Variants in DRD3 observed in about 807,000 individuals in gnomAD.
DRD3 encodes the protein dopamine receptor D3.
DRD3 carries 19 observed loss-of-function variants against 36.3 expected under a neutral mutation model. The ratio of observed to expected loss-of-function variants is 0.52; its 90% CI spans 0.36 to 0.77. DRD3 has a LOEUF of 0.77. DRD3 is among the 30% of genes least tolerant of loss of function. The pLI is 0.00. For missense variants in DRD3, 465 were observed against 505.3 expected, an observed-to-expected ratio of 0.92 and a Z score of 0.77; for synonymous variants, 195 against 203.7, an observed-to-expected ratio of 0.96 and a Z score of 0.36.
upstream of DRD3, among the ~76,000 whole-genome samples, chr3:114,182,994 T>C (rs185733196): frequency 6.6e-6 from 1 of 152,202 alleles, no homozygotes; most frequent in Non-Finnish European, 1.5e-5. Context: ...TTTTCAGCTC[T>C]TTTAGATATA....
At chr3:114,182,172 A>T (rs568097045), upstream of DRD3, among the ~76,000 whole-genome samples, 1 of 152,342 alleles carries the variant, frequency 6.6e-6, no homozygotes, top group African/African-American at 2.4e-5. Flanking sequence ...TGAGTGGTCC[A>T]GTAGTATGGT....
chr3:114,141,695 G>A (rs1422942953), intron 4 of DRD3, among the ~76,000 whole-genome samples: 2 of 152,098 alleles, frequency 1.3e-5, no homozygotes, highest in Non-Finnish European at 2.9e-5. Context: ...CTCTGAAGAG[G>A]AGGTAAAATT....
At chr3:114,148,859 C>T (rs2077592396) in intron 3 of DRD3, among the ~76,000 whole-genome samples, 1 of 152,092 alleles carries the variant, frequency 6.6e-6, no homozygotes, top group Non-Finnish European at 1.5e-5. Context: ...ACTACAGGCG[C>T]CTGCCAACAT....
chr3:114,137,507 T>G (rs2077484615), intron 5 of DRD3, among the ~76,000 whole-genome samples: 2 of 152,358 alleles, frequency 1.3e-5, no homozygotes, highest in East Asian at 3.9e-4. Flanking sequence ...GAGTCTGACC[T>G]TCATTCATAC....
chr3:114,194,254 A>G (rs1234384460), intron 1 of DRD3, among the ~76,000 whole-genome samples: 1 of 152,140 alleles, frequency 6.6e-6, no homozygotes, highest in Non-Finnish European at 1.5e-5. Context: ...ACACCATAGT[A>G]GGACCCTCTG....
At chr3:114,185,552 G>A (rs2077970601) in intron 1 of DRD3, among the ~76,000 whole-genome samples, 1 of 151,842 alleles carries the variant, frequency 6.6e-6, no homozygotes, top group South Asian at 2.1e-4. Flanking sequence ...GAGACTTTAA[G>A]TTAGGTGTTT....
chr3:114,189,761 C>T lies in DRD3; in HGVS notation c.-156+9512G>A, dbSNP rs551141486. ...TACCTTTCTAGTACCTGTCTTGCCC[C>T]GAAGGGCTTTGAGTTTGCAACCCCT... On this transcript the variant is annotated intron_variant, in intron 1 of 7. Coordinates refer to the DRD3 transcript ENST00000460779. Among the ~76,000 whole-genome samples the T allele has an allele frequency of 4.0e-4, 61 of 152,280 alleles. 1 individual carries two copies. The South Asian group carries it at 5.2e-3, about 13-fold the overall frequency.
chr3:114,165,989 T>C (rs1451920367), intron 2 of DRD3, among the ~76,000 whole-genome samples: 1 of 58,770 alleles, frequency 1.7e-5, no homozygotes, highest in Non-Finnish European at 5.4e-5. Context: ...CAGTTTGTAT[T>C]TTTTTTTTTT....
chr3:114,181,661 C>T (rs1347912262), upstream of DRD3, among the ~76,000 whole-genome samples: 1 of 152,088 alleles, frequency 6.6e-6, no homozygotes, highest in Non-Finnish European at 1.5e-5. Context: ...AGCCAATGGC[C>T]CTTCATCAGG....
intron 4 of DRD3, among the ~76,000 whole-genome samples, chr3:114,146,357 C>T (rs1003570529): frequency 2.6e-5 from 4 of 152,142 alleles, no homozygotes; most frequent in East Asian, 1.9e-4. Flanking sequence ...TTCCTTAGCA[C>T]GCAGTGTATA....
chr3:114,175,131 C>A (rs952934278), intron 1 of DRD3, among the ~76,000 whole-genome samples: 5 of 152,074 alleles, frequency 3.3e-5, no homozygotes, highest in African/African-American at 1.2e-4. Flanking sequence ...GTAGCATACC[C>A]CTCCCCACAA....
At chr3:114,151,912 C>T (rs895061112) in intron 3 of DRD3, among the ~76,000 whole-genome samples, 2 of 152,228 alleles carry the variant, frequency 1.3e-5, no homozygotes, top group African/African-American at 4.8e-5. Flanking sequence ...CAGAGCACTG[C>T]GTGCGCCCAC....
intron 3 of DRD3, among the ~76,000 whole-genome samples, chr3:114,156,715 GTCTTTCTTTCTTTCTT>G (rs1328717527): frequency 1.2e-5 from 1 of 80,284 alleles, no homozygotes; most frequent in African/African-American, 5.1e-5. Context: ...TGGCTTGCCT[GTCTTTCTTTCTTTCTT>G]TCTTTCTTTC....
intron 6 of DRD3, among the ~76,000 whole-genome samples, chr3:114,129,204 G>A (rs975506990): frequency 2.0e-5 from 3 of 152,064 alleles, no homozygotes; most frequent in Non-Finnish European, 2.9e-5. Context: ...TTAGCTGGGC[G>A]TGGTGGTGCG....
At chr3:114,169,369 A>C (rs1017596024) in intron 2 of DRD3, among the ~76,000 whole-genome samples, 2 of 148,746 alleles carry the variant, frequency 1.3e-5, no homozygotes, top group Non-Finnish European at 3.0e-5. Context: ...CTGGGTCTTG[A>C]AGCAAATTGG....
upstream of DRD3, among the ~76,000 whole-genome samples, chr3:114,180,830 A>G (rs1162562558): frequency 2.0e-5 from 3 of 152,160 alleles, no homozygotes; most frequent in East Asian, 5.8e-4. Flanking sequence ...GGGGACCAAG[A>G]GAATATGCAC....
At chr3:114,131,811 A>G (rs1337797818) in intron 5 of DRD3, among the ~76,000 whole-genome samples, 1 of 152,248 alleles carries the variant, frequency 6.6e-6, no homozygotes, top group African/African-American at 2.4e-5. Context: ...ATATAAAAGA[A>G]AGCTTGTCAT....
intron 3 of DRD3, among the ~76,000 whole-genome samples, chr3:114,157,482 T>G (rs975683562): frequency 6.6e-6 from 1 of 152,220 alleles, no homozygotes; most frequent in Non-Finnish European, 1.5e-5. Flanking sequence ...TCAGTCACCC[T>G]TGAACTTCAC....
At chr3:114,185,608 T>C (rs1195193912) in intron 1 of DRD3, among the ~76,000 whole-genome samples, 1 of 151,694 alleles carries the variant, frequency 6.6e-6, no homozygotes, top group Non-Finnish European at 1.5e-5. Context: ...CTTTCAGGAA[T>C]AGTTTTGGTT....
Sources: gnomAD v4.1 joint callset for allele counts (sites outside exome capture counted in the v4.1 genomes callset) on GRCh38, gnomAD v4.1.1 for gene constraint, MANE v1.5 for transcripts, NCBI Gene and HGNC (gene_info 2026-07-23, HGNC 2026-07-21) for gene names.